The following CCDC102A variants were observed in gnomAD, a reference collection of about 807,000 sequenced individuals.
CCDC102A encodes the protein coiled-coil domain-containing protein 102A.
Under a neutral mutation model 55.5 loss-of-function variants are expected in CCDC102A, and 40 were observed. The ratio of observed to expected loss-of-function variants is 0.72; its 90% CI spans 0.56 to 0.94. CCDC102A has a LOEUF of 0.94. Among genes scored for constraint, CCDC102A ranks in the 40% least tolerant of loss-of-function variants. The pLI is 0.00. For missense variants in CCDC102A, 779 were observed against 768.6 expected (o/e 1.01, Z -0.16); for synonymous variants, 323 against 339.0 (o/e 0.95, Z 0.52).
intron 8 of CCDC102A, among the ~76,000 whole-genome samples, chr16:57,514,741 G>A (rs1472376169): frequency 6.6e-6 from 1 of 152,210 alleles, no homozygotes; most frequent in African/African-American, 2.4e-5. Context: ...TCAGGGCCCG[G>A]CACAGGTCAA....
chr16:57,532,301 A>C (rs1598081034), intron 1 of CCDC102A, among the ~76,000 whole-genome samples: 1 of 152,088 alleles, frequency 6.6e-6, no homozygotes, highest in South Asian at 2.1e-4. Flanking sequence ...CAACATGTAC[A>C]CCCCGACCCT....
At chr16:57,532,414 T>C (rs1567607124) in intron 1 of CCDC102A, among the ~76,000 whole-genome samples, 1 of 152,190 alleles carries the variant, frequency 6.6e-6, no homozygotes, top group Non-Finnish European at 1.5e-5. Context: ...CCTGTGCCTC[T>C]GTGACCCAGT....
intron 1 of CCDC102A, among the ~76,000 whole-genome samples, chr16:57,535,813 C>CT (rs1371577999): frequency 2.6e-5 from 4 of 152,184 alleles, no homozygotes; most frequent in Non-Finnish European, 5.9e-5. Context: ...CCTGAACGCT[C>CT]TAACAGGTGG....
intron 1 of CCDC102A, among the ~76,000 whole-genome samples, chr16:57,533,377 G>A (rs2146722341): frequency 6.6e-6 from 1 of 152,018 alleles, no homozygotes; most frequent in African/African-American, 2.4e-5. Flanking sequence ...TAGACCCAAG[G>A]GCAGCCAGAC....
chr16:57,530,743 T>C (rs1310770742), intron 1 of CCDC102A, among the ~76,000 whole-genome samples: 5 of 151,988 alleles, frequency 3.3e-5, no homozygotes, highest in African/African-American at 1.2e-4. Flanking sequence ...CCAGGGGTCT[T>C]ACCCCTGCTG....
chr16:57,530,302 T>G (rs1221763881), intron 1 of CCDC102A, among the ~76,000 whole-genome samples: 1 of 152,018 alleles, frequency 6.6e-6, no homozygotes, highest in Admixed American at 6.5e-5. Context: ...CTCCTTAAAA[T>G]AAATGAGAGG....
At position 57,529,072 on chromosome 16, in the gene CCDC102A, C is replaced by T; in HGVS notation, c.106G>A (p.Asp36Asn). Residue 36 changes from aspartate (D) to asparagine (N), a missense_variant, in exon 2 of 9, where the codon GAC (aspartate) becomes AAC (asparagine). Asp to Asn is a conservative substitution (Grantham distance 23). Transcript: ENST00000258214. The surrounding 1 kb of genome is among the most constrained non-coding windows in gnomAD (Gnocchi z 4.1). Reference sequence around the variant, plus strand: ...CTGGGCGGCGTGGGCGGCAAGGAGTCGGCAGGCCCCATGCGCTCCGGCGAC... The same window carrying T: ...CTGGGCGGCGTGGGCGGCAAGGAGTTGGCAGGCCCCATGCGCTCCGGCGAC... ...SPSPERMGPA[D>N]SLPPTPPSGT... The T allele has an allele frequency of 3.5e-6, 4 of 1,158,518 alleles. No homozygotes were observed. Among genetic ancestry groups the T allele is most frequent in the Non-Finnish European group, 4.3e-6 (4 of 940,930 alleles). 71.8% of individuals were successfully genotyped at this position (1,158,518 alleles called of 1,614,324 possible). A position where few individuals can be genotyped will look rare whatever the true frequency, so the allele number is the denominator to read the frequency against.
chr16:57,531,872 G>GCTC (rs1183679980), intron 1 of CCDC102A, among the ~76,000 whole-genome samples: 4 of 151,900 alleles, frequency 2.6e-5, no homozygotes, highest in Non-Finnish European at 5.9e-5. Context: ...CTTCAACTAT[G>GCTC]GAGCCAGGCA....
chr16:57,522,538 G>A (rs966507472), intron 3 of CCDC102A, among the ~76,000 whole-genome samples: 3 of 152,200 alleles, frequency 2.0e-5, no homozygotes, highest in African/African-American at 7.2e-5. Flanking sequence ...ATAGGCATGA[G>A]CCACGGTGCC....
Position 57,529,252 on chromosome 16 carries a change from C to T in CCDC102A, c.-75G>A. 3 of 1,125,046 alleles carry T rather than the reference C, an allele frequency of 2.7e-6. No individual in the cohort carries two copies. Among genetic ancestry groups the T allele is most frequent in the Non-Finnish European group, 2.2e-6 (2 of 917,984 alleles). 69.7% of individuals were successfully genotyped at this position (1,125,046 alleles called of 1,614,324 possible). On this transcript the variant is annotated 5_prime_UTR_variant, in exon 2 of 9. Transcript: ENST00000258214. This position sits in a 1 kb window ranked among gnomAD's most constrained non-coding sequence, Gnocchi z 4.1. ...CGGCTCCGGGGACGCGCGGCGGGCG[C>T]GATACAACTGTGCATGATGACGCCG...
Position 57,529,016 on chromosome 16 carries a change from T to G in CCDC102A, c.162A>C (p.Ala54=), listed in dbSNP as rs1287924027. Residue 54 remains alanine, a synonymous_variant, in exon 2 of 9, where the codon GCA becomes GCC. Transcript: ENST00000258214. The surrounding 1 kb of genome is among the most constrained non-coding windows in gnomAD (Gnocchi z 4.1). ...SGTPSPGPPP[A]LPLPPAPALL... The stretch of plus-strand genomic sequence containing the variant: ...GCGCGGGCGCGGGGGGCAGGGGCAG[T>G]GCGGGCGGCGGCCCGGGCGAGGGCG... The G allele has an allele frequency of 6.4e-6, 7 of 1,102,118 alleles. No individual in the cohort carries two copies. Among genetic ancestry groups the G allele is most frequent in the Non-Finnish European group, 7.7e-6 (7 of 904,788 alleles). The allele number at this position is 1,102,118 out of a possible 1,614,324, so 68.3% of individuals were successfully genotyped here. A position where few individuals can be genotyped will look rare whatever the true frequency, so the allele number is the denominator to read the frequency against.
intron 5 of CCDC102A, 110 bp from the exon 6 acceptor site, chr16:57,518,387 C>G (rs2031994355): frequency 4.9e-6 from 5 of 1,023,206 alleles, no homozygotes; most frequent in Non-Finnish European, 7.2e-6. Flanking sequence ...GGAAGCAGAT[C>G]CAGCTGCATT....
intron 8 of CCDC102A, among the ~76,000 whole-genome samples, chr16:57,513,674 C>T (rs548588271): frequency 5.9e-5 from 9 of 152,216 alleles, no homozygotes; most frequent in East Asian, 1.9e-4. Context: ...ACCCAGACTG[C>T]GGGAAAGCCC....
At chr16:57,513,477 C>CA (rs2146695716) in intron 8 of CCDC102A, among the ~76,000 whole-genome samples, 2 of 152,368 alleles carry the variant, frequency 1.3e-5, no homozygotes, top group African/African-American at 4.8e-5. Context: ...GGGAGGGGCA[C>CA]AGGCGGGGGC....
chr16:57,530,498 C>T (rs936386306), intron 1 of CCDC102A, among the ~76,000 whole-genome samples: 4 of 152,212 alleles, frequency 2.6e-5, no homozygotes, highest in African/African-American at 9.6e-5. Context: ...TGGGACTCGG[C>T]ACTGGCTGTC....
At chr16:57,521,274 G>A (rs2032048008) in intron 3 of CCDC102A, 98 bp from the exon 4 acceptor site, 4 of 888,704 alleles carry the variant, frequency 4.5e-6, no homozygotes, top group Non-Finnish European at 5.5e-6. Context: ...CACTTGTTGA[G>A]CCCAAGTCCA....
At position 57,512,695 on chromosome 16, in the gene CCDC102A, C is replaced by T; in HGVS notation, c.*46G>A. 1.3e-6 allele frequency: 2 copies of T among 1,584,940 alleles called. No individual in the cohort carries two copies. The highest frequency in any genetic ancestry group is 1.7e-6 in the Non-Finnish European group (2 of 1,164,266). Reference sequence around the variant, plus strand: ...GTTTGAGTGGCTGGTTAGCCTGGACCCTGGGCAGGTATGGGGCGGCCCATC... The same window carrying T: ...GTTTGAGTGGCTGGTTAGCCTGGACTCTGGGCAGGTATGGGGCGGCCCATC... On this transcript the variant is annotated 3_prime_UTR_variant, in exon 9 of 9. Transcript: ENST00000258214.
chr16:57,534,577 G>C (rs1275389487), intron 1 of CCDC102A, among the ~76,000 whole-genome samples: 1 of 152,138 alleles, frequency 6.6e-6, no homozygotes, highest in African/African-American at 2.4e-5. Context: ...AGGCACCTCC[G>C]TGTTCTACAG....
In CCDC102A at chr16:57,512,527, C is replaced by CGCGT. The variant is rs1555518807; in HGVS notation, c.*210_*213dup. The CGCGT allele has an allele frequency of 6.1e-6, 3 of 493,016 alleles. No homozygotes were observed. The highest frequency in any genetic ancestry group is 1.0e-5 in the Non-Finnish European group (3 of 288,790). The allele number at this position is 493,016 out of a possible 1,614,324, so 30.5% of individuals were successfully genotyped here. A position where few individuals can be genotyped will look rare whatever the true frequency, so the allele number is the denominator to read the frequency against. ...ACTTCTGGGTGTGCGCGCGCGCGCG[C>CGCGT]GCGTGTGTGTATATATATATATAAA... On this transcript the variant is annotated 3_prime_UTR_variant, in exon 9 of 9. Coordinates refer to ENST00000258214, the MANE Select transcript of CCDC102A (RefSeq NM_033212.4).
Sources: allele counts gnomAD v4.1 joint callset (sites outside exome capture counted in the v4.1 genomes callset), GRCh38; gene constraint gnomAD v4.1.1; non-coding constraint Gnocchi (gnomAD v3.1); transcripts MANE v1.5; gene names NCBI Gene and HGNC (gene_info 2026-07-23, HGNC 2026-07-21).